The following ATP6V1B1 variants were observed in gnomAD, a reference collection of about 807,000 sequenced individuals.
ATP6V1B1 encodes the protein V-type proton ATPase subunit B, kidney isoform.
Under a neutral mutation model 62.1 loss-of-function variants are expected in ATP6V1B1, and 41 were observed. The observed-to-expected ratio is 0.66, with a 90% CI of 0.51 to 0.86. The LOEUF (loss-of-function observed/expected upper bound fraction) is 0.86. Ranked by LOEUF, ATP6V1B1 falls within the 40% of genes least tolerant of loss-of-function variation. ATP6V1B1 has a pLI of 0.00. For missense variants in ATP6V1B1, 651 were observed against 697.5 expected, an observed-to-expected ratio of 0.93 and a Z score of 0.75; for synonymous variants, 253 against 273.4, an observed-to-expected ratio of 0.93 and a Z score of 0.74.
At chr2:70,937,769 A>G (rs931228598) in intron 1 of ATP6V1B1, among the ~76,000 whole-genome samples, 2 of 151,810 alleles carry the variant, frequency 1.3e-5, no homozygotes, top group Non-Finnish European at 2.9e-5. Flanking sequence ...CCTGATACCC[A>G]GGGACCCTAT....
rs782769838 is a variant in ATP6V1B1, at chr2:70,959,082, T to C, written c.432T>C (p.Phe144=). The C allele has an allele frequency of 3.1e-6, 5 of 1,614,026 alleles. No individual in the cohort carries two copies. The African/African-American group carries it at 6.7e-5, about 22-fold the overall frequency. The part of the protein sequence containing the change: ...DKGPVVMAED[F]LDINGQPINP... ...GGCCAGTGGTCATGGCGGAGGACTT[T>C]CTGGATATCAATGGTGAGTGACTGG... The change falls in exon 5 of 14, where the codon TTT becomes TTC. Residue 144 remains phenylalanine, a synonymous_variant. Transcript: ENST00000234396. The surrounding 1 kb of genome is among the most constrained non-coding windows in gnomAD (Gnocchi z 4.2).
In ATP6V1B1 at chr2:70,959,826, T is replaced by G; in HGVS notation, c.446-113T>G. The G allele has an allele frequency of 6.5e-7, 1 of 1,538,266 alleles. No homozygotes were observed. The highest frequency in any genetic ancestry group is 1.1e-5 in the South Asian group (1 of 87,666). ...GCAGCACGGCCAGAGCACGTTTCTA[T>G]CATCACAGAAAGTTCCGTCAAACAG... On this transcript the variant is annotated intron_variant, in intron 5 of 13. Transcript: ENST00000234396. The surrounding 1 kb of genome is among the most constrained non-coding windows in gnomAD (Gnocchi z 4.2).
intron 2 of ATP6V1B1, chr2:70,943,965 C>G (rs1418868327): frequency 2.1e-6 from 2 of 970,654 alleles, no homozygotes; most frequent in South Asian, 4.8e-5. Context: ...CCTTGGGAAA[C>G]CTCCTACTAT....
At position 70,959,293 on chromosome 2, in the gene ATP6V1B1, T is replaced by C. The variant is rs1680522647; in HGVS notation, c.445+198T>C. Reference sequence around the variant, plus strand: ...CATCCCCTGTAAAATGCCATCATCATTGGGCAGTGTTCCACGCCTGCCCGA... The same window carrying C: ...CATCCCCTGTAAAATGCCATCATCACTGGGCAGTGTTCCACGCCTGCCCGA... On this transcript the variant is annotated intron_variant, in intron 5 of 13. Coordinates refer to ENST00000234396, the MANE Select transcript of ATP6V1B1 (RefSeq NM_001692.4). This position sits in a 1 kb window ranked among gnomAD's most constrained non-coding sequence, Gnocchi z 4.2. Among the ~76,000 whole-genome samples, 3 of 152,252 alleles carry C rather than the reference T, an allele frequency of 2.0e-5. No individual in the cohort carries two copies. Among genetic ancestry groups the C allele is most frequent in the Admixed American group, 6.5e-5 (1 of 15,286 alleles).
At chr2:70,941,921 A>T in intron 1 of ATP6V1B1, 1 of 991,052 alleles carries the variant, frequency 1.0e-6, no homozygotes, top group Non-Finnish European at 1.2e-6. Flanking sequence ...CACTGAAGCC[A>T]GAGTGGAGAA....
At position 70,959,973 on chromosome 2, in the gene ATP6V1B1, CGAG is replaced by C. The variant is rs1572920649; in HGVS notation, c.484_486del (p.Glu162del). On this transcript the variant is annotated inframe_deletion, in exon 6 of 14. Transcript: ENST00000234396. The surrounding 1 kb of genome is among the most constrained non-coding windows in gnomAD (Gnocchi z 4.2). ...TCAACCCGCACTCCCGCATCTACCC[CGAG>C]GAGATGATTCAGACGGGCATTTCTC... is the stretch of plus-strand genomic sequence containing the variant. The C allele has an allele frequency of 1.2e-6, 2 of 1,614,206 alleles. No homozygotes were observed. Among genetic ancestry groups the C allele is most frequent in the Non-Finnish European group, 8.5e-7 (1 of 1,180,034 alleles).
intron 1 of ATP6V1B1, chr2:70,940,907 C>CTTTTCTT (rs1679984592): frequency 1.5e-6 from 1 of 685,730 alleles, no homozygotes; most frequent in African/African-American, 2.7e-5. Context: ...TTTTCTTTTT[C>CTTTTCTT]TTTTTCTTTT....
Position 70,965,155 on chromosome 2 carries a change from G to A in ATP6V1B1, c.*34G>A, listed in dbSNP as rs1553420866. 5 of 1,601,238 alleles carry A rather than the reference G, an allele frequency of 3.1e-6. No homozygotes were observed. The highest frequency in any genetic ancestry group is 4.2e-6 in the Non-Finnish European group (5 of 1,179,214). On this transcript the variant is annotated 3_prime_UTR_variant, in exon 14 of 14. Coordinates refer to ENST00000234396, the MANE Select transcript of ATP6V1B1 (RefSeq NM_001692.4). ...GCCGTGGCACCCCAACACCGGCAGGGAACCTACCCTCGGCTCCCGGGTCTC... is the reference window on the plus strand; with the variant it reads ...GCCGTGGCACCCCAACACCGGCAGGAAACCTACCCTCGGCTCCCGGGTCTC...
At position 70,959,005 on chromosome 2, in the gene ATP6V1B1, C is replaced by T. The variant is rs782224062; in HGVS notation, c.368-13C>T. 32 of 1,613,692 alleles carry T rather than the reference C, an allele frequency of 2.0e-5. No homozygotes were observed. The highest frequency in any genetic ancestry group is 2.3e-5 in the Non-Finnish European group (27 of 1,179,854). On this transcript the variant is annotated splice_polypyrimidine_tract_variant and intron_variant, in intron 4 of 13. Coordinates refer to ENST00000234396, the MANE Select transcript of ATP6V1B1 (RefSeq NM_001692.4). The surrounding 1 kb of genome is among the most constrained non-coding windows in gnomAD (Gnocchi z 4.2). ...AGCCTGAGCACCCTGCAACACTCCT[C>T]GTCCACCCTCAGGTCGGGTTTTCAA... is the stretch of plus-strand genomic sequence containing the variant.
chr2:70,963,727 C>T lies in ATP6V1B1; in HGVS notation c.1143+73C>T. 1 of 1,538,500 alleles carries T rather than the reference C, an allele frequency of 6.5e-7. No individual in the cohort carries two copies. The highest frequency in any genetic ancestry group is 9.0e-7 in the Non-Finnish European group (1 of 1,115,210). ...CTGAGGAACAGATGTTTCACTGCCC[C>T]CAGGCATGAATTAGGAGGGGCCAGC... On this transcript the variant is annotated intron_variant, in intron 11 of 13. Transcript: ENST00000234396. This position sits in a 1 kb window ranked among gnomAD's most constrained non-coding sequence, Gnocchi z 4.3.
intron 2 of ATP6V1B1, chr2:70,944,301 C>T (rs1680091197): frequency 9.1e-7 from 1 of 1,102,842 alleles, no homozygotes; most frequent in South Asian, 1.4e-5. Context: ...AACTGGCAGA[C>T]ACTGACAGTA....
intron 3 of ATP6V1B1, 38 bp downstream of exon 3, chr2:70,958,182 A>G (rs781978343): frequency 4.4e-6 from 7 of 1,600,818 alleles, no homozygotes; most frequent in Non-Finnish European, 5.1e-6. Context: ...AGTTAAATCA[A>G]TGAATTAACC....
chr2:70,957,250 A>AATGTATATAT (rs1338125853), intron 2 of ATP6V1B1, among the ~76,000 whole-genome samples: 7 of 144,842 alleles, frequency 4.8e-5, no homozygotes, highest in South Asian at 2.3e-4. Context: ...CACACCTGGC[A>AATGTATATAT]ATATATATAT....
chr2:70,951,844 AGCCAAGATC>A (rs1211522042), intron 2 of ATP6V1B1, among the ~76,000 whole-genome samples: 2 of 152,154 alleles, frequency 1.3e-5, no homozygotes, highest in African/African-American at 4.8e-5. Flanking sequence ...GGTTGCAGTG[AGCCAAGATC>A]GCACCATTGC....
Position 70,962,873 on chromosome 2 carries a change from GA to G in ATP6V1B1, c.883del (p.Ser295ValfsTer68). 1 of 1,614,134 alleles carries G rather than the reference GA, an allele frequency of 6.2e-7. No individual in the cohort carries two copies. The highest frequency in any genetic ancestry group is 8.5e-7 in the Non-Finnish European group (1 of 1,180,016). On this transcript the variant is annotated frameshift_variant, in exon 9 of 14. Transcript: ENST00000234396. LOFTEE classifies it high-confidence loss of function. The part of the protein sequence containing the change: ...KHVLVILTDM[S>X]SYAEALREVS... ...ATGTGCTGGTCATACTGACGGACAT[GA>G]GTTCCTATGCAGAGGCCTTGCGGGA...
chr2:70,942,141 C>G, intron 1 of ATP6V1B1: 1 of 721,102 alleles, frequency 1.4e-6, no homozygotes, highest in Non-Finnish European at 1.9e-6. Context: ...ATCTCTAGGG[C>G]CTGTTTCCCG....
chr2:70,950,072 C>A (rs1488520291), intron 2 of ATP6V1B1, among the ~76,000 whole-genome samples: 1 of 152,020 alleles, frequency 6.6e-6, no homozygotes, highest in East Asian at 1.9e-4. Context: ...AACTAGATAT[C>A]CTCTTATGTT....
chr2:70,941,929 G>A (rs536132369), intron 1 of ATP6V1B1: 68 of 993,152 alleles, frequency 6.8e-5, no homozygotes, highest in Non-Finnish European at 7.4e-5. Context: ...CCAGAGTGGA[G>A]AAGGCCAAGG....
intron 6 of ATP6V1B1, 148 bp downstream of exon 6, chr2:70,960,226 G>A: frequency 8.1e-7 from 1 of 1,229,342 alleles, no homozygotes; most frequent in East Asian, 2.5e-5. Flanking sequence ...GCTGTCCCTG[G>A]GCAGCTCAGG....
Sources: allele counts gnomAD v4.1 joint callset (sites outside exome capture counted in the v4.1 genomes callset), GRCh38; gene constraint gnomAD v4.1.1; non-coding constraint Gnocchi (gnomAD v3.1); transcripts MANE v1.5; gene names NCBI Gene and HGNC (gene_info 2026-07-23, HGNC 2026-07-21).